The following IL37 variants were observed in gnomAD, a reference collection of about 807,000 sequenced individuals.
IL37 encodes the protein interleukin 37.
A neutral mutation model predicts 15.4 loss-of-function variants in IL37; 15 were observed. The ratio of observed to expected loss-of-function variants is 0.98; its 90% CI spans 0.65 to 1.50. The LOEUF (loss-of-function observed/expected upper bound fraction) is 1.50. Among genes scored for constraint, IL37 ranks in the 40% most tolerant of loss-of-function variants. IL37 has a pLI of 0.00. For missense variants in IL37, 269 were observed against 261.7 expected (o/e 1.03, Z -0.19); for synonymous variants, 98 against 97.4 (o/e 1.01, Z -0.03).
intron 3 of IL37, 98 bp from the exon 4 acceptor site, chr2:112,917,031 G>A: frequency 7.4e-7 from 1 of 1,360,096 alleles, no homozygotes; most frequent in South Asian, 1.3e-5. Context: ...CCACAGGCAG[G>A]GTGGAGAGCT....
Position 112,913,086 on chromosome 2 carries a change from G to A in IL37, c.74G>A (p.Cys25Tyr). The A allele has an allele frequency of 1.3e-6, 2 of 1,554,876 alleles. No homozygotes were observed. The highest frequency in any genetic ancestry group is 1.4e-5 in the African/African-American group (1 of 70,766). The change falls in exon 2 of 6, where the codon TGC becomes TAC. Residue 25 changes from cysteine (C) to tyrosine (Y), a missense_variant. By Grantham distance (194) the Cys-to-Tyr change is radical (BLOSUM62 -2). Transcript: ENST00000263326. Reference sequence around the variant, plus strand: ...TGGGAAAAAGATGAACCCCAGTGCTGCTTAGAAGGTAAGGTTCTTGTAGAA... The same window carrying A: ...TGGGAAAAAGATGAACCCCAGTGCTACTTAGAAGGTAAGGTTCTTGTAGAA... ...EDWEKDEPQC[C>Y]LEDPAGSPLE...
rs575388648 is a variant in IL37, at chr2:112,915,015, G to A, written c.145+1161G>A. Among the ~76,000 whole-genome samples the A allele has an allele frequency of 9.4e-4, 143 of 152,282 alleles. 1 individual carries two copies. Among genetic ancestry groups the A allele is most frequent in the Non-Finnish European group, 1.4e-3 (96 of 68,032 alleles). ...TACTAGTGCCCTAAAGCTGGCGCTG[G>A]CACTGATGTTACTGCTGCTGTTGGA... On this transcript the variant is annotated intron_variant, in intron 3 of 5. Coordinates refer to ENST00000263326, the MANE Select transcript of IL37 (RefSeq NM_014439.4).
At chr2:112,914,548 C>A (rs1683254989) in intron 3 of IL37, among the ~76,000 whole-genome samples, 1 of 152,218 alleles carries the variant, frequency 6.6e-6, no homozygotes, top group Non-Finnish European at 1.5e-5. Flanking sequence ...AGTACAATGG[C>A]AGAGAGGACC....
At chr2:112,918,436 C>T (rs1431918681) in intron 5 of IL37, 125 bp from the exon 6 acceptor site, 2 of 1,113,544 alleles carry the variant, frequency 1.8e-6, no homozygotes, top group East Asian at 2.4e-5. Flanking sequence ...TCATCTTTCC[C>T]AAGGACCATC....
chr2:112,913,433 A>T (rs981701047), intron 2 of IL37, among the ~76,000 whole-genome samples: 3 of 152,204 alleles, frequency 2.0e-5, no homozygotes, highest in Non-Finnish European at 4.4e-5. Context: ...TCCGATGAGA[A>T]GCAGCTCTCT....
chr2:112,917,300 C>T, intron 4 of IL37, 52 bp downstream of exon 4: 2 of 1,596,522 alleles, frequency 1.3e-6, no homozygotes, highest in Admixed American at 1.7e-5. Context: ...AGGGGTAAGG[C>T]CTCCTGCTAG....
chr2:112,917,335 A>C, intron 4 of IL37, 87 bp downstream of exon 4: 1 of 1,436,004 alleles, frequency 7.0e-7, no homozygotes, highest in Non-Finnish European at 9.5e-7. Flanking sequence ...ATGCTATACC[A>C]TGCCCCATCT....
intron 2 of IL37, 80 bp downstream of exon 2, chr2:112,913,174 C>A: frequency 1.1e-6 from 1 of 876,636 alleles, no homozygotes; most frequent in South Asian, 2.2e-5. Flanking sequence ...GTGCACAGAC[C>A]CAGTTGTTTC....
rs749074079 is a variant in IL37 at position 112,918,640 on chromosome 2, C to T, written c.488C>T (p.Ser163Phe). 6 of 1,613,992 alleles carry T rather than the reference C, an allele frequency of 3.7e-6. No individual in the cohort carries two copies. The highest frequency in any genetic ancestry group is 1.7e-5 in the Admixed American group (1 of 60,002). ...ATCTTTTATAGGGCTCAGGTGGGCT[C>T]CTGGAACATGCTGGAGTCGGCGGCT... ...PFIFYRAQVG[S>F]WNMLESAAHP... Residue 163 changes from serine (S) to phenylalanine (F), a missense_variant, in exon 6 of 6, where the codon TCC becomes TTC. Transcript: ENST00000263326.
chr2:112,912,633 G>A (rs1683202101), intron 1 of IL37, among the ~76,000 whole-genome samples: 1 of 152,288 alleles, frequency 6.6e-6, no homozygotes. Flanking sequence ...AAACAGTCAG[G>A]GACCGGATTT....
Position 112,913,779 on chromosome 2 carries a change from C to A in IL37, c.83-13C>A, listed in dbSNP as rs377121293. ...CGAATTGCATATGCTAACCTCACTG[C>A]GTCTGACTGCAGACCCGGCTGGAAG... On this transcript the variant is annotated splice_polypyrimidine_tract_variant and intron_variant, in intron 2 of 5. Transcript: ENST00000263326. 1.2e-6 allele frequency: 2 copies of A among 1,611,866 alleles called. No individual in the cohort carries two copies. The highest frequency in any genetic ancestry group is 1.1e-5 in the South Asian group (1 of 91,008).
rs1341410481 is a variant in IL37, at chr2:112,913,904, G to A, written c.145+50G>A. 12 of 1,428,336 alleles carry A rather than the reference G, an allele frequency of 8.4e-6. No individual in the cohort carries two copies. In the East Asian group the frequency reaches 2.3e-4, roughly 27 times the overall value. 88.5% of individuals were successfully genotyped at this position (1,428,336 alleles called of 1,614,324 possible). A position where few individuals can be genotyped will look rare whatever the true frequency, so the allele number is the denominator to read the frequency against. On this transcript the variant is annotated intron_variant, in intron 3 of 5. Coordinates refer to ENST00000263326, the MANE Select transcript of IL37 (RefSeq NM_014439.4). Reference sequence around the variant, plus strand: ...GGGGTGGCTGAGGTGCGAGGGTGGGGATGGGGGATGGAGCCATTGGGTCCT... The same window carrying A: ...GGGGTGGCTGAGGTGCGAGGGTGGGAATGGGGGATGGAGCCATTGGGTCCT...
chr2:112,914,727 CCTCT>C (rs557706222), intron 3 of IL37, among the ~76,000 whole-genome samples: 38 of 152,354 alleles, frequency 2.5e-4, no homozygotes, highest in African/African-American at 8.7e-4. Context: ...CGCACACAAG[CCTCT>C]CTGTCGGGCC....
At chr2:112,918,536 C>T in intron 5 of IL37, 25 bp from the exon 6 acceptor site, 1 of 1,595,124 alleles carries the variant, frequency 6.3e-7, no homozygotes, top group African/African-American at 1.3e-5. Context: ...CCTGTGCTAT[C>T]TAATTAATCC....
chr2:112,917,618 T>C lies in IL37; in HGVS notation c.266-17T>C. ...CTGCTCTCAGAACCCACACATGTTCTGACTGTCTTTTTCCAGAGATCTTCT... is the reference window on the plus strand; with the variant it reads ...CTGCTCTCAGAACCCACACATGTTCCGACTGTCTTTTTCCAGAGATCTTCT... On this transcript the variant is annotated splice_polypyrimidine_tract_variant and intron_variant, in intron 4 of 5. Coordinates refer to ENST00000263326, the MANE Select transcript of IL37 (RefSeq NM_014439.4). 6.4e-7 allele frequency: 1 copy of C among 1,551,320 alleles called. No individual in the cohort carries two copies. Among genetic ancestry groups the C allele is most frequent in the South Asian group, 1.3e-5 (1 of 79,504 alleles).
intron 1 of IL37, among the ~76,000 whole-genome samples, chr2:112,912,589 G>A (rs1018167215): frequency 1.3e-5 from 2 of 152,160 alleles, no homozygotes; most frequent in African/African-American, 4.8e-5. Flanking sequence ...GTAAACAAGA[G>A]CATGGCTGTG....
intron 1 of IL37, 126 bp from the exon 2 acceptor site, chr2:112,912,837 T>C (rs573905822): frequency 3.5e-5 from 17 of 486,860 alleles, no homozygotes; most frequent in Non-Finnish European, 5.7e-5. Flanking sequence ...CCTTGGTGCC[T>C]TTCTGGTTGC....
At chr2:112,917,337 GC>G in intron 4 of IL37, 89 bp downstream of exon 4, 3 of 1,435,756 alleles carry the variant, frequency 2.1e-6, no homozygotes, top group Non-Finnish European at 9.5e-7. Context: ...GCTATACCAT[GC>G]CCCATCTCCA....
chr2:112,918,549 T>G lies in IL37; in HGVS notation c.409-12T>G. The G allele has an allele frequency of 6.2e-7, 1 of 1,607,152 alleles. No individual in the cohort carries two copies. Among genetic ancestry groups the G allele is most frequent in the South Asian group, 1.1e-5 (1 of 90,590 alleles). On this transcript the variant is annotated splice_polypyrimidine_tract_variant and intron_variant, in intron 5 of 5. Transcript: ENST00000263326. ...AGCCTGTGCTATCTAATTAATCCCT[T>G]TTACCTCACAGAAGGAGAAACTGAT...
Sources: allele counts gnomAD v4.1 joint callset (sites outside exome capture counted in the v4.1 genomes callset), GRCh38; gene constraint gnomAD v4.1.1; transcripts MANE v1.5; gene names NCBI Gene and HGNC (gene_info 2026-07-23, HGNC 2026-07-21).